The following LRRC7 variants were observed in gnomAD, a reference collection of about 807,000 sequenced individuals.
The protein encoded by LRRC7 is leucine rich repeat containing 7.
In LRRC7, 23 loss-of-function variants were observed where a neutral mutation model predicts 175.7. The observed-to-expected ratio is 0.13, with a 90% CI of 0.09 to 0.19. The LOEUF (loss-of-function observed/expected upper bound fraction) is 0.19, where lower values mean the gene tolerates loss of function less well. Ranked by LOEUF, LRRC7 falls within the 10% of genes least tolerant of loss-of-function variation. The probability of loss-of-function intolerance (pLI) is 1.00; values close to 1 mark genes in which losing one functional copy is unlikely to be tolerated. For missense variants in LRRC7, 1,354 were observed against 1,904.7 expected (o/e 0.71, Z 5.38); for synonymous variants, 685 against 680.9 (o/e 1.01, Z -0.09).
chr1:70,051,742 T>A (rs1660761707), intron 22 of LRRC7, among the ~76,000 whole-genome samples: 1 of 152,002 alleles, frequency 6.6e-6, no homozygotes, highest in African/African-American at 2.4e-5. Context: ...TTAATTTTCA[T>A]TATATCCATT....
chr1:69,728,694 A>T (rs571169158), intron 2 of LRRC7, among the ~76,000 whole-genome samples: 33 of 152,314 alleles, frequency 2.2e-4, no homozygotes, highest in African/African-American at 7.9e-4. Flanking sequence ...AATAGAACTT[A>T]TTTGCAATAA....
Position 69,675,957 on chromosome 1 carries a change from A to G in LRRC7, c.3-2424A>G, listed in dbSNP as rs1659702603. On this transcript the variant is annotated intron_variant, in intron 1 of 26. Transcript: ENST00000651989. Reference sequence around the variant, plus strand: ...GATTCAAGTTATCACTGCACATTAAAAAACAATTTCTTATACTTTACAAAC... The same window carrying G: ...GATTCAAGTTATCACTGCACATTAAGAAACAATTTCTTATACTTTACAAAC... 2.0e-5 allele frequency among the ~76,000 whole-genome samples: 3 copies of G among 151,798 alleles called. No homozygotes were observed. The South Asian group carries it at 6.2e-4, about 32-fold the overall frequency.
intron 22 of LRRC7, among the ~76,000 whole-genome samples, chr1:70,049,360 C>T (rs1174692462): frequency 1.3e-5 from 2 of 151,974 alleles, no homozygotes; most frequent in Non-Finnish European, 2.9e-5. Context: ...CAGATAGTAC[C>T]AACATTTGGT....
chr1:69,793,967 C>A (rs1390556588), intron 4 of LRRC7, among the ~76,000 whole-genome samples: 1 of 150,898 alleles, frequency 6.6e-6, no homozygotes. Flanking sequence ...CTGACACTCT[C>A]AAATAATCAG....
intron 7 of LRRC7, among the ~76,000 whole-genome samples, chr1:69,908,932 T>G (rs539094228): frequency 1.4e-3 from 218 of 152,034 alleles, no homozygotes; most frequent in African/African-American, 5.1e-3. Context: ...ACTAAGGACT[T>G]GCTTTATGAG....
Position 69,712,525 on chromosome 1 carries a change from A to G in LRRC7, c.100+34047A>G, listed in dbSNP as rs996692028. Among the ~76,000 whole-genome samples, 11 of 152,148 alleles carry G rather than the reference A, an allele frequency of 7.2e-5. No homozygotes were observed. The East Asian group carries it at 1.9e-3, about 27-fold the overall frequency. On this transcript the variant is annotated intron_variant, in intron 2 of 26. Transcript: ENST00000651989. Reference sequence around the variant, plus strand: ...AGGCAGAGGCAGGGAGAATTGCTTGAACCCAGGAGGCAGCGGTTGCAGTGA... The same window carrying G: ...AGGCAGAGGCAGGGAGAATTGCTTGGACCCAGGAGGCAGCGGTTGCAGTGA...
rs114261652 is a variant in LRRC7, at chr1:69,598,135, C to T, written c.2+29494C>T. On this transcript the variant is annotated intron_variant, in intron 1 of 26. Transcript: ENST00000651989. ...ATATCTGGTAAGATGGGTTTAGTCA[C>T]AGGTAACTAAATTCCAGCTTTCTAA... 2.2e-3 allele frequency among the ~76,000 whole-genome samples: 338 copies of T among 152,228 alleles called. 3 individuals are homozygous for T. Among genetic ancestry groups the T allele is most frequent in the African/African-American group, 7.7e-3 (321 of 41,558 alleles).
chr1:70,082,774 C>A (rs1388389852), intron 24 of LRRC7, among the ~76,000 whole-genome samples: 3 of 24,656 alleles, frequency 1.2e-4, no homozygotes, highest in Non-Finnish European at 4.1e-4. Flanking sequence ...AATCTTGATA[C>A]CAGTACATTT....
At chr1:69,825,100 C>T (rs1423382838) in intron 4 of LRRC7, among the ~76,000 whole-genome samples, 4 of 152,172 alleles carry the variant, frequency 2.6e-5, no homozygotes, top group South Asian at 2.1e-4. Flanking sequence ...ATGAGCAATT[C>T]TCCAAGGGCA....
chr1:69,940,217 A>T (rs1480579717), intron 8 of LRRC7, among the ~76,000 whole-genome samples: 1 of 152,086 alleles, frequency 6.6e-6, no homozygotes, highest in Non-Finnish European at 1.5e-5. Context: ...ACATCTCTTG[A>T]CCTATGGCTT....
chr1:69,918,083 C>T (rs574209469), intron 7 of LRRC7, among the ~76,000 whole-genome samples: 2 of 152,294 alleles, frequency 1.3e-5, no homozygotes, highest in South Asian at 4.1e-4. Flanking sequence ...TCTATCCATA[C>T]TTTTATCGTG....
Position 70,137,473 on chromosome 1 carries a change from TG to T in LRRC7, c.*15588del, listed in dbSNP as rs1666916729. 6.6e-6 allele frequency among the ~76,000 whole-genome samples: 1 copy of T among 152,232 alleles called. No homozygotes were observed. The highest frequency in any genetic ancestry group is 2.4e-5 in the African/African-American group (1 of 41,478). On this transcript the variant is annotated 3_prime_UTR_variant, in exon 27 of 27. Coordinates refer to ENST00000651989, the MANE Select transcript of LRRC7 (RefSeq NM_001370785.2). ...CTAAGAAAAATGTACGTACATCTGGTGGACTTGCATATCTTTAACACTTATC... is the reference window on the plus strand; with the variant it reads ...CTAAGAAAAATGTACGTACATCTGGTGACTTGCATATCTTTAACACTTATC...
intron 7 of LRRC7, among the ~76,000 whole-genome samples, chr1:69,889,250 A>G (rs1418015670): frequency 6.6e-6 from 1 of 152,242 alleles, no homozygotes; most frequent in African/African-American, 2.4e-5. Context: ...TAAGACAACA[A>G]TGAAGTTTGC....
At chr1:70,066,023 G>A (rs1475351478) in intron 23 of LRRC7, among the ~76,000 whole-genome samples, 2 of 151,942 alleles carry the variant, frequency 1.3e-5, no homozygotes, top group African/African-American at 4.8e-5. Context: ...GTTGCTGACT[G>A]GTTGACCTTC....
intron 7 of LRRC7, among the ~76,000 whole-genome samples, chr1:69,909,325 G>A (rs1351234271): frequency 2.6e-5 from 4 of 152,054 alleles, no homozygotes; most frequent in East Asian, 1.9e-4. Context: ...ATGTTAGCTG[G>A]TTATTTTGCT....
In LRRC7 at chr1:69,865,469, C is replaced by CTTTTTTTTTTTTTTTTTTTTTTTTTTTTT. The variant is rs532063540; in HGVS notation, c.647+27211_647+27212insTTTTTTTTTTTTTTTTTTTTTTTTTTTTT. Among the ~76,000 whole-genome samples the CTTTTTTTTTTTTTTTTTTTTTTTTTTTTT allele has an allele frequency of 2.2e-3, 115 of 51,262 alleles. 34 individuals carry two copies. The highest frequency in any genetic ancestry group is 2.6e-3 in the Non-Finnish European group (77 of 29,414). The allele number at this position is 51,262 out of a possible 152,430, so 33.6% of individuals were successfully genotyped here. On this transcript the variant is annotated intron_variant, in intron 7 of 26. Transcript: ENST00000651989. ...ATAAGCAAGCTGCTGAAGACAGTTC[C>CTTTTTTTTTTTTTTTTTTTTTTTTTTTTT]TTTTTTTTTTTTTTTTTTTTTTTTT...
intron 8 of LRRC7, among the ~76,000 whole-genome samples, chr1:69,944,409 A>G (rs1385306163): frequency 6.6e-6 from 1 of 152,114 alleles, no homozygotes; most frequent in Non-Finnish European, 1.5e-5. Context: ...TTATTCATCC[A>G]TCAGTGGACA....
intron 1 of LRRC7, among the ~76,000 whole-genome samples, chr1:69,600,835 G>A (rs148374439): frequency 0.05 from 2,776 of 55,344 alleles, 62 homozygotes; most frequent in Non-Finnish European, 0.068. Flanking sequence ...TTTTGAGACA[G>A]AGTTTCTCTT....
chr1:69,915,537 G>A (rs1216362741), intron 7 of LRRC7, among the ~76,000 whole-genome samples: 1 of 152,074 alleles, frequency 6.6e-6, no homozygotes, highest in African/African-American at 2.4e-5. Context: ...ACATAAACAG[G>A]AAGTAGTTTA....
Sources: allele counts gnomAD v4.1 joint callset (sites outside exome capture counted in the v4.1 genomes callset), GRCh38; gene constraint gnomAD v4.1.1; transcripts MANE v1.5; gene names NCBI Gene and HGNC (gene_info 2026-07-23, HGNC 2026-07-21).